The following IQGAP2 variants were observed in gnomAD, a reference collection of about 807,000 sequenced individuals.
IQGAP2 encodes IQ motif containing GTPase activating protein 2.
A neutral mutation model predicts 201.3 loss-of-function variants in IQGAP2; 173 were observed. The ratio of observed to expected loss-of-function variants is 0.86; its 90% CI spans 0.76 to 0.98. IQGAP2 has a LOEUF of 0.98. IQGAP2 is among the 50% of genes least tolerant of loss of function. The pLI, the probability that IQGAP2 is intolerant of heterozygous loss-of-function variation, is 0.00. For synonymous variants in IQGAP2, 675 were observed against 673.9 expected (o/e 1.00, Z -0.03); for missense variants, 1,687 against 1,864.8 (o/e 0.90, Z 1.76).
chr5:76,602,765 G>T (rs1747513661), intron 11 of IQGAP2, among the ~76,000 whole-genome samples: 1 of 152,020 alleles, frequency 6.6e-6, no homozygotes, highest in Non-Finnish European at 1.5e-5. Context: ...CAGTTTTGCA[G>T]ATTATCAAGT....
chr5:76,429,621 TAAATTTATATATATAC>T lies in IQGAP2; in HGVS notation c.46+26032_46+26047del, dbSNP rs1162968677. ...ATGTATATTTATATATATACATATA[TAAATTTATATATATAC>T]ATATATGTATATATATATGTTAAAA... On this transcript the variant is annotated intron_variant, in intron 1 of 35. Coordinates refer to ENST00000274364, the MANE Select transcript of IQGAP2 (RefSeq NM_006633.5). Among the ~76,000 whole-genome samples, 7 of 144,990 alleles carry T rather than the reference TAAATTTATATATATAC, an allele frequency of 4.8e-5. No homozygotes were observed. The Admixed American group carries it at 4.9e-4, about 10-fold the overall frequency.
chr5:76,650,676 G>T (rs2432187), intron 17 of IQGAP2, among the ~76,000 whole-genome samples: 74,013 of 151,656 alleles, frequency 0.49, 18,566 homozygotes, highest in Non-Finnish European at 0.56. Flanking sequence ...ACAACGTGCA[G>T]GTTTGTTACA....
Position 76,697,977 on chromosome 5 carries a change from G to A in IQGAP2, c.4207-10G>A, listed in dbSNP as rs1344761661. On this transcript the variant is annotated splice_polypyrimidine_tract_variant and intron_variant, in intron 32 of 35. Coordinates refer to ENST00000274364, the MANE Select transcript of IQGAP2 (RefSeq NM_006633.5). ...TGCTTAAATATGATACCCCTTACTT[G>A]TTGTTTTAGGATATTCGAAATCAAA... 9.4e-6 allele frequency: 15 copies of A among 1,603,798 alleles called. No individual in the cohort carries two copies. The highest frequency in any genetic ancestry group is 1.3e-5 in the Non-Finnish European group (15 of 1,175,636).
chr5:76,560,799 TATTCC>T (rs1176705615), intron 2 of IQGAP2, among the ~76,000 whole-genome samples: 1 of 152,224 alleles, frequency 6.6e-6, no homozygotes, highest in Non-Finnish European at 1.5e-5. Context: ...TCATATATAC[TATTCC>T]CCTCCCATCC....
intron 11 of IQGAP2, 53 bp from the exon 12 acceptor site, chr5:76,606,126 G>T: frequency 6.7e-7 from 1 of 1,492,542 alleles, no homozygotes; most frequent in Non-Finnish European, 9.1e-7. Flanking sequence ...GAAACAACAG[G>T]AACGAAGAAT....
chr5:76,681,832 C>T (rs1386886052), intron 28 of IQGAP2, among the ~76,000 whole-genome samples: 1 of 152,100 alleles, frequency 6.6e-6, no homozygotes, highest in Non-Finnish European at 1.5e-5. Context: ...AACAGCCAAG[C>T]GTCTATCACT....
Position 76,653,232 on chromosome 5 carries a change from G to A in IQGAP2, c.2178+399G>A, listed in dbSNP as rs1037770469. On this transcript the variant is annotated intron_variant, in intron 18 of 35. Transcript: ENST00000274364. ...AGAACAAAACCCATGATAAGAGGAAGTAGAGCTAATTTAGGGCCTATATTT... is the reference window on the plus strand; with the variant it reads ...AGAACAAAACCCATGATAAGAGGAAATAGAGCTAATTTAGGGCCTATATTT... 5.9e-5 allele frequency among the ~76,000 whole-genome samples: 9 copies of A among 152,200 alleles called. No individual in the cohort carries two copies. The East Asian group carries it at 9.6e-4, about 16-fold the overall frequency.
chr5:76,532,874 C>T (rs1759395246), intron 2 of IQGAP2, among the ~76,000 whole-genome samples: 1 of 152,232 alleles, frequency 6.6e-6, no homozygotes, highest in Admixed American at 6.5e-5. Flanking sequence ...GGGCAGCTAG[C>T]CACACTGCCT....
chr5:76,690,924 G>A (rs1052793024), intron 30 of IQGAP2, among the ~76,000 whole-genome samples: 1 of 152,220 alleles, frequency 6.6e-6, no homozygotes, highest in Non-Finnish European at 1.5e-5. Flanking sequence ...CCATGTGCCA[G>A]ACCTCACAGA....
At chr5:76,583,997 C>CT (rs1746064587) in intron 5 of IQGAP2, among the ~76,000 whole-genome samples, 1 of 151,998 alleles carries the variant, frequency 6.6e-6, no homozygotes, top group African/African-American at 2.4e-5. Flanking sequence ...CTCAGCCTCC[C>CT]TAGTAGCTGG....
At chr5:76,607,151 A>G (rs1747869440) in intron 12 of IQGAP2, 1 of 152,148 alleles carries the variant, frequency 6.6e-6, no homozygotes, top group African/African-American at 2.4e-5. Context: ...ACAGTTTATT[A>G]TGTTTTATTT....
At chr5:76,589,035 C>T (rs974664331) in intron 6 of IQGAP2, 62 bp downstream of exon 6, 24 of 1,177,454 alleles carry the variant, frequency 2.0e-5, no homozygotes, top group African/African-American at 6.2e-5. Context: ...AATACCTGGC[C>T]GGGCGTGGTG....
intron 27 of IQGAP2, 30 bp from the exon 28 acceptor site, chr5:76,677,188 C>G: frequency 6.3e-7 from 1 of 1,597,658 alleles, no homozygotes; most frequent in Non-Finnish European, 8.5e-7. Context: ...ATGTTTGAGT[C>G]TGTCTTAAGA....
At chr5:76,649,622 C>A (rs150737732) in intron 17 of IQGAP2, among the ~76,000 whole-genome samples, 1 of 152,160 alleles carries the variant, frequency 6.6e-6, no homozygotes, top group Admixed American at 6.5e-5. Flanking sequence ...CAAGGGATGG[C>A]GTTCAGTGTC....
At chr5:76,674,154 C>T in intron 26 of IQGAP2, 118 bp downstream of exon 26, 1 of 656,612 alleles carries the variant, frequency 1.5e-6, no homozygotes, top group Non-Finnish European at 2.7e-6. Context: ...AGCTGCAGGT[C>T]TTCTGTTTCT....
chr5:76,706,044 G>C (rs1580874490), intron 35 of IQGAP2, among the ~76,000 whole-genome samples: 1 of 152,226 alleles, frequency 6.6e-6, no homozygotes, highest in African/African-American at 2.4e-5. Context: ...TACAGAAACA[G>C]AAGTAGCCTA....
At chr5:76,666,295 G>T (rs1053088123) in intron 22 of IQGAP2, among the ~76,000 whole-genome samples, 2 of 152,136 alleles carry the variant, frequency 1.3e-5, no homozygotes, top group African/African-American at 4.8e-5. Context: ...AAAGAAAGGG[G>T]GCTCACTTTA....
At chr5:76,625,884 C>A (rs1266555170) in intron 13 of IQGAP2, among the ~76,000 whole-genome samples, 1 of 152,118 alleles carries the variant, frequency 6.6e-6, no homozygotes, top group Non-Finnish European at 1.5e-5. Context: ...AAAATGTTCC[C>A]ATTTGTTAAA....
intron 1 of IQGAP2, among the ~76,000 whole-genome samples, chr5:76,415,465 G>C (rs145076717): frequency 2.2e-4 from 33 of 152,340 alleles, no homozygotes; most frequent in African/African-American, 7.9e-4. Flanking sequence ...AAGATACAAA[G>C]TTCTCTTTGG....
Sources: gnomAD v4.1 joint callset for allele counts (sites outside exome capture counted in the v4.1 genomes callset) on GRCh38, gnomAD v4.1.1 for gene constraint, MANE v1.5 for transcripts, NCBI Gene and HGNC (gene_info 2026-07-23, HGNC 2026-07-21) for gene names.